The following CALM2 variants were observed in gnomAD, a reference collection of about 807,000 sequenced individuals.
CALM2 encodes calmodulin 2.
Under a neutral mutation model 19.8 loss-of-function variants are expected in CALM2, and 2 were observed. The ratio of observed to expected loss-of-function variants is 0.10; its 90% CI spans 0.04 to 0.32. The LOEUF is 0.32. Ranked by LOEUF, CALM2 falls within the 10% of genes least tolerant of loss-of-function variation. The probability of loss-of-function intolerance (pLI) is 1.00; values close to 1 mark genes in which losing one functional copy is unlikely to be tolerated. For synonymous variants in CALM2, 51 were observed against 52.1 expected (o/e 0.98, Z 0.09); for missense variants, 38 against 178.7 (o/e 0.21, Z 4.49).
At chr2:47,162,104 A>G (rs1418491758) in intron 4 of CALM2, among the ~76,000 whole-genome samples, 182 bp downstream of exon 4, 1 of 148,044 alleles carries the variant, frequency 6.8e-6, no homozygotes, top group African/African-American at 2.5e-5. Context: ...CAATACATAT[A>G]TTAGAAAGTC....
chr2:47,170,847 G>T (rs921888474), intron 1 of CALM2, 83 bp from the exon 2 acceptor site: 1 of 1,059,646 alleles, frequency 9.4e-7, no homozygotes, highest in African/African-American at 1.6e-5. Context: ...AACCTTTCAA[G>T]GGTTACCATG....
At chr2:47,166,791 A>G (rs542697742) in intron 2 of CALM2, among the ~76,000 whole-genome samples, 2 of 152,336 alleles carry the variant, frequency 1.3e-5, no homozygotes, top group African/African-American at 4.8e-5. Flanking sequence ...ATTAAATCCA[A>G]GAGTCAAAAC....
chr2:47,176,189 G>A (rs374554978), intron 1 of CALM2: 186 of 509,574 alleles, frequency 3.7e-4, no homozygotes, highest in African/African-American at 3.2e-3. Flanking sequence ...CCAAGCCCCC[G>A]AGGAGCTTCA....
At chr2:47,171,488 G>A (rs535119723) in intron 1 of CALM2, 1 of 152,306 alleles carries the variant, frequency 6.6e-6, no homozygotes, top group African/African-American at 2.4e-5. Context: ...TGAGGCTAGG[G>A]TTAAGTGGGA....
intron 5 of CALM2, 39 bp downstream of exon 5, chr2:47,161,684 A>C (rs1462504979): frequency 6.3e-7 from 1 of 1,576,406 alleles, no homozygotes; most frequent in South Asian, 1.2e-5. Flanking sequence ...TATCTTAAAA[A>C]TCAAAGTGAA....
At chr2:47,169,183 T>C (rs951571131) in intron 2 of CALM2, among the ~76,000 whole-genome samples, 2 of 152,204 alleles carry the variant, frequency 1.3e-5, no homozygotes, top group Non-Finnish European at 2.9e-5. Context: ...CTGCATACAG[T>C]TGGTACCTGT....
In CALM2 at chr2:47,162,361, C is replaced by G; in HGVS notation, c.210G>C (p.Leu70=). Residue 70 remains leucine (L), a synonymous_variant, in exon 4 of 6, where the codon CTG becomes CTC. Coordinates refer to ENST00000272298, the MANE Select transcript of CALM2 (RefSeq NM_001743.6). ...CTTTCATTTTTCTTGCCATCATTGT[C>G]AGAAATTCAGGGAAGTCAATTGTGC... is the stretch of plus-strand genomic sequence containing the variant. ...GNGTIDFPEF[L]TMMARKMKDT... The G allele has an allele frequency of 6.2e-7, 1 of 1,611,980 alleles. No individual in the cohort carries two copies. Among genetic ancestry groups the G allele is most frequent in the Non-Finnish European group, 8.5e-7 (1 of 1,179,242 alleles).
At chr2:47,169,455 A>AT (rs199628017) in intron 2 of CALM2, among the ~76,000 whole-genome samples, 45 of 151,928 alleles carry the variant, frequency 3.0e-4, no homozygotes, top group South Asian at 8.3e-4. Context: ...GGCCCAGTCT[A>AT]TTTTTTTTGA....
intron 1 of CALM2, among the ~76,000 whole-genome samples, chr2:47,174,999 C>T (rs1279166131): frequency 2.0e-5 from 3 of 151,542 alleles, no homozygotes; most frequent in African/African-American, 7.3e-5. Flanking sequence ...TGTCACCTTG[C>T]CTCCTGGACA....
At chr2:47,170,419 G>A (rs1666629000) in intron 2 of CALM2, among the ~76,000 whole-genome samples, 2 of 151,872 alleles carry the variant, frequency 1.3e-5, no homozygotes, top group African/African-American at 4.9e-5. Context: ...AGCTAGCCCA[G>A]AATTCCTGTT....
intron 1 of CALM2, 58 bp downstream of exon 1, chr2:47,176,383 T>C (rs1018801320): frequency 1.5e-5 from 24 of 1,602,912 alleles, no homozygotes; most frequent in Non-Finnish European, 2.0e-5. Flanking sequence ...GTTTAGTCAG[T>C]TCGCTCCAGT....
intron 2 of CALM2, among the ~76,000 whole-genome samples, chr2:47,169,719 G>A (rs937733244): frequency 6.6e-6 from 1 of 152,062 alleles, no homozygotes; most frequent in South Asian, 2.1e-4. Flanking sequence ...GTGTAATTCT[G>A]GTATCCCCCA....
chr2:47,172,943 G>A (rs1310290160), intron 1 of CALM2: 1 of 152,304 alleles, frequency 6.6e-6, no homozygotes, highest in Non-Finnish European at 1.5e-5. Context: ...CAAAATTTAG[G>A]GACCTCATAC....
intron 2 of CALM2, 133 bp downstream of exon 2, chr2:47,170,596 GTATTA>G: frequency 4.1e-6 from 3 of 733,768 alleles, no homozygotes; most frequent in Admixed American, 4.1e-5. Flanking sequence ...TTGAATTACT[GTATTA>G]TATTATACCC....
chr2:47,163,651 C>G (rs563907069), intron 2 of CALM2: 4 of 152,118 alleles, frequency 2.6e-5, no homozygotes, highest in Non-Finnish European at 4.4e-5. Context: ...AGGCTGGCCT[C>G]GAACTCCCAA....
upstream of CALM2, chr2:47,176,597 A>G: frequency 1.3e-6 from 2 of 1,537,176 alleles, no homozygotes; most frequent in South Asian, 1.2e-5. Context: ...AACATCGCAA[A>G]CGAGTCCCGG....
intron 1 of CALM2, chr2:47,172,178 G>T (rs1273004120): frequency 4.6e-6 from 1 of 215,180 alleles, no homozygotes; most frequent in Non-Finnish European, 9.7e-6. Context: ...CAGTAAATCT[G>T]AGTTATTTAC....
rs1347156907 is a variant in CALM2 at position 47,169,916 on chromosome 2, T to A, written c.34+818A>T. Among the ~76,000 whole-genome samples, 4 of 149,696 alleles carry A rather than the reference T, an allele frequency of 2.7e-5. No individual in the cohort carries two copies. In the East Asian group the frequency reaches 8.0e-4, roughly 30 times the overall value. The stretch of plus-strand genomic sequence containing the variant: ...CTTGGTGCTCATGCTAATAAAAGTG[T>A]CTAATGAAAACAAAGGAATAGTTTG... On this transcript the variant is annotated intron_variant, in intron 2 of 5. Coordinates refer to ENST00000272298, the MANE Select transcript of CALM2 (RefSeq NM_001743.6).
upstream of CALM2, chr2:47,176,750 G>C (rs527849596): frequency 7.3e-7 from 1 of 1,365,562 alleles, no homozygotes; most frequent in Non-Finnish European, 9.5e-7. Context: ...CCGGTGGAGC[G>C]GCCCCTGAGG....
Sources: gnomAD v4.1 joint callset for allele counts (sites outside exome capture counted in the v4.1 genomes callset) on GRCh38, gnomAD v4.1.1 for gene constraint, MANE v1.5 for transcripts, NCBI Gene and HGNC (gene_info 2026-07-23, HGNC 2026-07-21) for gene names.